The following GDPD1 variants were observed in gnomAD, a reference collection of about 807,000 sequenced individuals.
GDPD1 encodes the protein lysophospholipase D GDPD1.
In GDPD1, 28 loss-of-function variants were observed where a neutral mutation model predicts 45.1. The ratio of observed to expected loss-of-function variants is 0.62; its 90% CI spans 0.46 to 0.85. The LOEUF (loss-of-function observed/expected upper bound fraction) is 0.85. GDPD1 is among the 40% of genes least tolerant of loss of function. The pLI, the probability that GDPD1 is intolerant of heterozygous loss-of-function variation, is 0.00. For missense variants in GDPD1, 256 were observed against 364.8 expected (o/e 0.70, Z 2.43); for synonymous variants, 139 against 131.4 (o/e 1.06, Z -0.40).
intron 1 of GDPD1, among the ~76,000 whole-genome samples, chr17:59,225,987 C>A (rs1297711496): frequency 1.3e-5 from 2 of 152,292 alleles, no homozygotes; most frequent in Non-Finnish European, 2.9e-5. Flanking sequence ...TCTCAAAGTG[C>A]TGGGATTACA....
chr17:59,268,596 A>AAG (rs543191408), intron 7 of GDPD1, among the ~76,000 whole-genome samples: 8,452 of 143,164 alleles, frequency 0.059, 259 homozygotes, highest in South Asian at 0.16. Flanking sequence ...AAAAAAAAAA[A>AAG]AAAAAAGAAA....
intron 3 of GDPD1, among the ~76,000 whole-genome samples, chr17:59,247,690 C>A (rs1052718517): frequency 4.0e-5 from 6 of 151,738 alleles, no homozygotes; most frequent in Non-Finnish European, 7.4e-5. Flanking sequence ...AGTGCAATGG[C>A]GCAATCTTGG....
At chr17:59,228,843 G>T (rs2047066900) in intron 1 of GDPD1, among the ~76,000 whole-genome samples, 1 of 150,312 alleles carries the variant, frequency 6.7e-6, no homozygotes, top group Non-Finnish European at 1.5e-5. Context: ...CCATGCCACT[G>T]CACTCCAGCC....
rs181145864 is a variant in GDPD1, at chr17:59,254,844, T to G, written c.368-2278T>G. On this transcript the variant is annotated intron_variant, in intron 4 of 9. Transcript: ENST00000284116. Reference sequence around the variant, plus strand: ...ACACCCTTTCCACAGAGATGAACTCTTGGCAGCTTGTACATGATCCGTTCA... The same window carrying G: ...ACACCCTTTCCACAGAGATGAACTCGTGGCAGCTTGTACATGATCCGTTCA... Among the ~76,000 whole-genome samples the G allele has an allele frequency of 8.7e-4, 133 of 152,274 alleles. 1 individual carries two copies. Among genetic ancestry groups the G allele is most frequent in the African/African-American group, 3.1e-3 (128 of 41,564 alleles).
chr17:59,260,060 C>CAAAAAAAAAAAAAAA (rs56936442), intron 6 of GDPD1, among the ~76,000 whole-genome samples: 4 of 25,828 alleles, frequency 1.5e-4, no homozygotes, highest in Non-Finnish European at 2.8e-4. Context: ...GACCCTGTCT[C>CAAAAAAAAAAAAAAA]AAAAAAAAAA....
At chr17:59,237,242 C>G (rs1450449995) in intron 2 of GDPD1, among the ~76,000 whole-genome samples, 2 of 151,556 alleles carry the variant, frequency 1.3e-5, no homozygotes, top group Admixed American at 6.6e-5. Flanking sequence ...CTAGAAAATG[C>G]ACAAAAAAAA....
At chr17:59,222,505 C>CTGTTTTTTTTTTT (rs2047013464) in intron 1 of GDPD1, among the ~76,000 whole-genome samples, 1 of 41,754 alleles carries the variant, frequency 2.4e-5, no homozygotes, top group Non-Finnish European at 4.6e-5. Context: ...AGTGCCCAGC[C>CTGTTTTTTTTTTT]TTTTTTTTTT....
intron 1 of GDPD1, among the ~76,000 whole-genome samples, chr17:59,223,179 G>T (rs772754340): frequency 3.5e-4 from 53 of 152,038 alleles, no homozygotes; most frequent in Non-Finnish European, 6.8e-4. Context: ...TAGATATTAG[G>T]TCATTTCAAT....
At chr17:59,254,478 T>C (rs1238199357) in intron 4 of GDPD1, among the ~76,000 whole-genome samples, 1 of 151,882 alleles carries the variant, frequency 6.6e-6, no homozygotes, top group Non-Finnish European at 1.5e-5. Context: ...TGCTGTGAGC[T>C]GTGGTCATGC....
chr17:59,272,347 CA>C (rs1209827014), intron 8 of GDPD1, among the ~76,000 whole-genome samples: 1 of 152,174 alleles, frequency 6.6e-6, no homozygotes, highest in Non-Finnish European at 1.5e-5. Flanking sequence ...ACATCGCTTA[CA>C]AAAGACTAAT....
At chr17:59,255,765 ATAT>A (rs2047294586) in intron 4 of GDPD1, among the ~76,000 whole-genome samples, 2 of 64,460 alleles carry the variant, frequency 3.1e-5, no homozygotes, top group Non-Finnish European at 5.4e-5. Context: ...AAAAAAAAAT[ATAT>A]ATATATATAT....
At chr17:59,265,433 G>A (rs2047391651) in intron 6 of GDPD1, among the ~76,000 whole-genome samples, 1 of 151,790 alleles carries the variant, frequency 6.6e-6, no homozygotes, top group South Asian at 2.1e-4. Context: ...AGCTGTTTGG[G>A]AGTCTGAGGT....
At chr17:59,272,727 T>G in intron 8 of GDPD1, 58 bp from the exon 9 acceptor site, 1 of 974,276 alleles carries the variant, frequency 1.0e-6, no homozygotes, top group Non-Finnish European at 1.7e-6. Context: ...AACTCTAAAT[T>G]GACTAAATTA....
At position 59,270,996 on chromosome 17, in the gene GDPD1, G is replaced by T; in HGVS notation, c.770+1G>T. 1 of 1,572,832 alleles carries T rather than the reference G, an allele frequency of 6.4e-7. No homozygotes were observed. The highest frequency in any genetic ancestry group is 2.3e-5 in the East Asian group (1 of 44,174). On this transcript the variant is annotated splice_donor_variant, in intron 8 of 9. Coordinates refer to ENST00000284116, the MANE Select transcript of GDPD1 (RefSeq NM_182569.4). LOFTEE classifies it high-confidence loss of function. Reference sequence around the variant, plus strand: ...AGTTTCTCATCTGGCTTTCTGATCTGTAAGAATTTTAATTTCTTAATATGC... The same window carrying T: ...AGTTTCTCATCTGGCTTTCTGATCTTTAAGAATTTTAATTTCTTAATATGC...
chr17:59,231,324 C>CTTTT (rs557850341), intron 1 of GDPD1, among the ~76,000 whole-genome samples: 365 of 114,278 alleles, frequency 3.2e-3, no homozygotes, highest in Non-Finnish European at 4.4e-3. Flanking sequence ...TTCTTTCTTT[C>CTTTT]TTTTTTTTTT....
chr17:59,220,556 C>T lies in GDPD1; in HGVS notation c.-54C>T. On this transcript the variant is annotated 5_prime_UTR_variant, in exon 1 of 10. Coordinates refer to ENST00000284116, the MANE Select transcript of GDPD1 (RefSeq NM_182569.4). ...CCGCCGCCGCCGTCGTTGCTACTGC[C>T]GCAGCGGAGTTCAGAGGGCCCGGAG... 1 of 1,580,604 alleles carries T rather than the reference C, an allele frequency of 6.3e-7. No homozygotes were observed.
At chr17:59,247,682 T>C (rs1247400299) in intron 3 of GDPD1, among the ~76,000 whole-genome samples, 1 of 151,770 alleles carries the variant, frequency 6.6e-6, no homozygotes, top group Non-Finnish European at 1.5e-5. Flanking sequence ...CAGGCTGGAG[T>C]GCAATGGCGC....
chr17:59,234,742 G>A (rs1322406918), intron 2 of GDPD1, among the ~76,000 whole-genome samples: 1 of 152,214 alleles, frequency 6.6e-6, no homozygotes, highest in Non-Finnish European at 1.5e-5. Flanking sequence ...AAAAGCAGAT[G>A]GGAGTTTAGG....
At chr17:59,266,696 T>C (rs1257972000) in intron 6 of GDPD1, among the ~76,000 whole-genome samples, 2 of 152,136 alleles carry the variant, frequency 1.3e-5, no homozygotes, top group Non-Finnish European at 2.9e-5. Context: ...TACTGAATAT[T>C]CCATATATTC....
Sources: allele counts gnomAD v4.1 joint callset (sites outside exome capture counted in the v4.1 genomes callset), GRCh38; gene constraint gnomAD v4.1.1; transcripts MANE v1.5; gene names NCBI Gene and HGNC (gene_info 2026-07-23, HGNC 2026-07-21).